Variants in ANKRD30B observed in about 807,000 individuals in gnomAD.
The protein encoded by ANKRD30B is ankyrin repeat domain-containing protein 30B.
A neutral mutation model predicts 202.2 loss-of-function variants in ANKRD30B; 144 were observed. The ratio of observed to expected loss-of-function variants is 0.71; its 90% confidence interval spans 0.62 to 0.82. The LOEUF (loss-of-function observed/expected upper bound fraction) is 0.82. Among genes scored for constraint, ANKRD30B ranks in the 40% least tolerant of loss-of-function variants. The pLI is 0.00. For missense variants in ANKRD30B, 1,487 were observed against 1,669.1 expected, an observed-to-expected ratio of 0.89 and a Z score of 1.90; for synonymous variants, 508 against 561.3, an observed-to-expected ratio of 0.91 and a Z score of 1.34.
chr18:14,849,748 T>A (rs547356292), intron 40 of ANKRD30B, among the ~76,000 whole-genome samples: 1 of 151,784 alleles, frequency 6.6e-6, no homozygotes, highest in Non-Finnish European at 1.5e-5. Context: ...GATCATAATA[T>A]TCAAATTATT....
the ANKRD30B span, among the ~76,000 whole-genome samples, chr18:14,880,693 G>A: frequency 6.6e-6 from 1 of 151,684 alleles, no homozygotes; most frequent in Non-Finnish European, 1.5e-5. Context: ...AGCTTCCCGA[G>A]TAGCTGGGAT....
chr18:14,809,523 A>C (rs527704339), intron 26 of ANKRD30B, among the ~76,000 whole-genome samples: 2 of 150,888 alleles, frequency 1.3e-5, no homozygotes, highest in Admixed American at 6.6e-5. Flanking sequence ...TATCTTATCC[A>C]TATGGACAGG....
the ANKRD30B span, among the ~76,000 whole-genome samples, chr18:14,915,826 T>A: frequency 6.6e-6 from 1 of 152,178 alleles, no homozygotes; most frequent in African/African-American, 2.4e-5. Flanking sequence ...AGGTTCTACA[T>A]CCACAAGTCA....
downstream of ANKRD30B, among the ~76,000 whole-genome samples, chr18:14,855,773 C>T (rs571167985): frequency 1.9e-4 from 28 of 149,086 alleles, no homozygotes; most frequent in African/African-American, 7.0e-4. Flanking sequence ...TCCTCACCTC[C>T]CAGACAATGG....
chr18:14,891,025 A>G, the ANKRD30B span, among the ~76,000 whole-genome samples: 1 of 152,156 alleles, frequency 6.6e-6, no homozygotes, highest in East Asian at 1.9e-4. Context: ...TATTAAAATG[A>G]TGTAAGAATT....
chr18:14,791,377 A>T (rs756286706), intron 15 of ANKRD30B, 24 bp from the exon 16 acceptor site: 2 of 1,555,610 alleles, frequency 1.3e-6, no homozygotes, highest in East Asian at 2.3e-5. Context: ...CATTGAAATT[A>T]TTTATTGATA....
At position 14,808,550 on chromosome 18, in the gene ANKRD30B, G is replaced by C. The variant is rs1235749555; in HGVS notation, c.2285-1G>C. The C allele has an allele frequency of 6.7e-7, 1 of 1,492,774 alleles. No individual in the cohort carries two copies. Among genetic ancestry groups the C allele is most frequent in the African/African-American group, 1.4e-5 (1 of 70,986 alleles). The allele number at this position is 1,492,774 out of a possible 1,614,324, so 92.5% of individuals were successfully genotyped here. ...AATTATATATGTCCCTTTTCTTTTA[G>C]AGTCTCCTGATAAAGATGGTCTTCT... On this transcript the variant is annotated splice_acceptor_variant, in intron 24 of 43. Transcript: ENST00000690538. LOFTEE classifies it high-confidence loss of function.
chr18:14,911,218 T>C, the ANKRD30B span, among the ~76,000 whole-genome samples: 1 of 151,682 alleles, frequency 6.6e-6, no homozygotes, highest in African/African-American at 2.4e-5. Context: ...TCCAAAAGAG[T>C]TTTTCCTAGA....
At chr18:14,885,614 AC>A in the ANKRD30B span, among the ~76,000 whole-genome samples, 1 of 151,992 alleles carries the variant, frequency 6.6e-6, no homozygotes, top group Non-Finnish European at 1.5e-5. Flanking sequence ...TGCTTTTACT[AC>A]AGCTAGGTCC....
chr18:14,863,421 C>A, the ANKRD30B span, among the ~76,000 whole-genome samples: 1 of 152,026 alleles, frequency 6.6e-6, no homozygotes, highest in African/African-American at 2.4e-5. Flanking sequence ...TCTCTCTTGA[C>A]ACGTGATACA....
At chr18:14,817,102 T>C (rs1970154292) in intron 30 of ANKRD30B, 1 of 152,208 alleles carries the variant, frequency 6.6e-6, no homozygotes, top group Admixed American at 6.5e-5. Context: ...TTTCTGACTG[T>C]GCATTTTTAC....
the ANKRD30B span, among the ~76,000 whole-genome samples, chr18:14,906,388 C>T: frequency 6.6e-6 from 1 of 152,044 alleles, no homozygotes; most frequent in South Asian, 2.1e-4. Flanking sequence ...CTCTACCAAT[C>T]TCATTATGTT....
At chr18:14,755,981 C>A (rs989781098) in intron 4 of ANKRD30B, among the ~76,000 whole-genome samples, 12 of 151,884 alleles carry the variant, frequency 7.9e-5, no homozygotes, top group African/African-American at 2.9e-4. Context: ...ATCGCCACAC[C>A]GACTTCCACA....
At chr18:14,932,939 G>C in the ANKRD30B span, among the ~76,000 whole-genome samples, 2 of 152,072 alleles carry the variant, frequency 1.3e-5, no homozygotes, top group East Asian at 3.9e-4. Flanking sequence ...GTTTTTTGGA[G>C]GGAAAAAAAT....
At chr18:14,872,066 A>G in the ANKRD30B span, among the ~76,000 whole-genome samples, 3 of 152,070 alleles carry the variant, frequency 2.0e-5, no homozygotes, top group African/African-American at 7.2e-5. Context: ...AATGTAGGAA[A>G]CTTGCCCAAG....
the ANKRD30B span, among the ~76,000 whole-genome samples, chr18:14,937,253 G>A: frequency 2.0e-5 from 3 of 152,176 alleles, no homozygotes; most frequent in African/African-American, 7.2e-5. Flanking sequence ...TCTAGAGACC[G>A]AGTCACAAAA....
the ANKRD30B span, among the ~76,000 whole-genome samples, chr18:14,934,659 G>T: frequency 6.6e-6 from 1 of 152,146 alleles, no homozygotes; most frequent in South Asian, 2.1e-4. Context: ...GGGCATCTGG[G>T]GCTGGGTCAG....
chr18:14,847,051 T>TTTATATATAA (rs1971670383), intron 39 of ANKRD30B, among the ~76,000 whole-genome samples: 1 of 3,406 alleles, frequency 2.9e-4, no homozygotes, highest in African/African-American at 5.0e-4. Flanking sequence ...GATTTAGTTT[T>TTTATATATAA]ATATATATAT....
intron 12 of ANKRD30B, 103 bp from the exon 13 acceptor site, chr18:14,784,233 C>T: frequency 1.7e-6 from 2 of 1,205,534 alleles, no homozygotes; most frequent in Non-Finnish European, 2.4e-6. Context: ...TATTCATTCT[C>T]AAAGTCAACC....
Sources: gnomAD v4.1 joint callset for allele counts (sites outside exome capture counted in the v4.1 genomes callset) on GRCh38, gnomAD v4.1.1 for gene constraint, MANE v1.5 for transcripts, NCBI Gene and HGNC (gene_info 2026-07-23, HGNC 2026-07-21) for gene names.